ZNF536: variants seen among roughly 807,000 people sequenced by gnomAD.
The protein encoded by ZNF536 is zinc finger protein 536.
In ZNF536, 13 loss-of-function variants were observed where a neutral mutation model predicts 84.5. That is an observed-to-expected ratio of 0.15 (90% confidence interval 0.10 to 0.24). The LOEUF is 0.24. ZNF536 is among the 10% of genes least tolerant of loss of function. The probability of loss-of-function intolerance (pLI) is 1.00; values close to 1 mark genes in which losing one functional copy is unlikely to be tolerated. For synonymous variants in ZNF536, 811 were observed against 742.5 expected (o/e 1.09, Z -1.50); for missense variants, 1,536 against 1,747.5 (o/e 0.88, Z 2.16).
At chr19:30,514,702 C>G (rs2055562817) in intron 2 of ZNF536, among the ~76,000 whole-genome samples, 1 of 152,018 alleles carries the variant, frequency 6.6e-6, no homozygotes, top group East Asian at 1.9e-4. Flanking sequence ...GGCTGTGCTT[C>G]CATGCTGCAT....
intron 1 of ZNF536, among the ~76,000 whole-genome samples, chr19:30,628,596 GT>G (rs1173337153): frequency 6.6e-6 from 1 of 151,796 alleles, no homozygotes; most frequent in African/African-American, 2.4e-5. Flanking sequence ...GCCTGGCTAA[GT>G]TTTTGTATTT....
At chr19:30,684,901 G>A (rs1003535818) in intron 1 of ZNF536, among the ~76,000 whole-genome samples, 2 of 152,070 alleles carry the variant, frequency 1.3e-5, no homozygotes, top group Non-Finnish European at 2.9e-5. Flanking sequence ...TTTATGTCTG[G>A]GACACTCAAA....
intron 1 of ZNF536, among the ~76,000 whole-genome samples, chr19:30,393,217 C>G (rs1252948585): frequency 1.3e-5 from 2 of 151,968 alleles, no homozygotes; most frequent in African/African-American, 4.8e-5. Flanking sequence ...CAGTTTAATG[C>G]GGTAGGATGG....
At chr19:30,271,319 T>TTTTTTTAA (rs3085735) in intron 1 of ZNF536, among the ~76,000 whole-genome samples, 1 of 126,390 alleles carries the variant, frequency 7.9e-6, no homozygotes, top group Admixed American at 8.1e-5. Flanking sequence ...TTTTTTTTTT[T>TTTTTTTAA]GCTAAAGCAT....
chr19:30,305,882 G>A (rs1201696608), intron 2 of ZNF536, among the ~76,000 whole-genome samples: 4 of 152,200 alleles, frequency 2.6e-5, no homozygotes, highest in Admixed American at 6.5e-5. Context: ...GTCCTCCCTC[G>A]GTCCACCCGC....
chr19:30,664,481 C>T (rs1489049310), intron 1 of ZNF536, among the ~76,000 whole-genome samples: 2 of 152,102 alleles, frequency 1.3e-5, no homozygotes, highest in Non-Finnish European at 1.5e-5. Context: ...GAGCAACAGG[C>T]ACTGGTCAGA....
At chr19:30,232,153 TG>T (rs1450024676) in intron 1 of ZNF536, among the ~76,000 whole-genome samples, 1 of 151,994 alleles carries the variant, frequency 6.6e-6, no homozygotes, top group Non-Finnish European at 1.5e-5. Context: ...GGGGTGGGCG[TG>T]GGGGCCTCCC....
At chr19:30,519,705 T>C (rs1435520147) in intron 2 of ZNF536, among the ~76,000 whole-genome samples, 5 of 152,134 alleles carry the variant, frequency 3.3e-5, no homozygotes, top group Non-Finnish European at 7.4e-5. Context: ...ACTTCTTAGA[T>C]TGCATGATCA....
At chr19:30,284,770 C>A (rs917788781) in intron 2 of ZNF536, among the ~76,000 whole-genome samples, 1 of 152,234 alleles carries the variant, frequency 6.6e-6, no homozygotes, top group African/African-American at 2.4e-5. Context: ...GCCCAGCCCA[C>A]CTTCTCCTGA....
chr19:30,699,284 T>C (rs2051793706), intron 1 of ZNF536, among the ~76,000 whole-genome samples: 1 of 152,154 alleles, frequency 6.6e-6, no homozygotes, highest in Non-Finnish European at 1.5e-5. Context: ...GCTGACAGAA[T>C]AAGGAAATAT....
intron 2 of ZNF536, among the ~76,000 whole-genome samples, chr19:30,477,051 A>G (rs1227080548): frequency 6.6e-6 from 1 of 151,752 alleles, no homozygotes; most frequent in Non-Finnish European, 1.5e-5. Context: ...GGCCTCCCAA[A>G]CTACTGGGAT....
intron 1 of ZNF536, among the ~76,000 whole-genome samples, chr19:30,398,745 A>C (rs937112157): frequency 3.3e-5 from 5 of 152,074 alleles, no homozygotes; most frequent in African/African-American, 1.2e-4. Context: ...AGGACATGAA[A>C]TTATCCTTTT....
chr19:30,589,507 T>C (rs2047206655), intron 1 of ZNF536, among the ~76,000 whole-genome samples: 1 of 152,208 alleles, frequency 6.6e-6, no homozygotes. Flanking sequence ...TTGAAACCGA[T>C]TACCTCCTTC....
chr19:30,630,376 ATCC>A (rs2048844120), intron 1 of ZNF536, among the ~76,000 whole-genome samples: 1 of 151,028 alleles, frequency 6.6e-6, no homozygotes, highest in Non-Finnish European at 1.5e-5. Context: ...AAGCAACCCA[ATCC>A]TCATTCTCCA....
At chr19:30,249,780 CT>C (rs1186311325) in intron 1 of ZNF536, among the ~76,000 whole-genome samples, 1 of 152,166 alleles carries the variant, frequency 6.6e-6, no homozygotes, top group Non-Finnish European at 1.5e-5. Flanking sequence ...AAGCTATTGC[CT>C]TTTTGGGGAA....
chr19:30,493,202 C>G (rs16964244), intron 2 of ZNF536, among the ~76,000 whole-genome samples: 40,328 of 142,684 alleles, frequency 0.28, 5,787 homozygotes, highest in African/African-American at 0.38. Context: ...TCTTCTGTAA[C>G]TGTGCTAATG....
At chr19:30,432,314 G>T (rs895113735) in intron 1 of ZNF536, among the ~76,000 whole-genome samples, 2 of 152,098 alleles carry the variant, frequency 1.3e-5, no homozygotes, top group African/African-American at 4.8e-5. Context: ...AGGACCAGGG[G>T]GCTTGGAGGA....
At chr19:30,637,424 C>T (rs1224153010) in intron 1 of ZNF536, among the ~76,000 whole-genome samples, 1 of 152,200 alleles carries the variant, frequency 6.6e-6, no homozygotes, top group Non-Finnish European at 1.5e-5. Flanking sequence ...TAACATCACA[C>T]CCACCAACTC....
Position 30,433,095 on chromosome 19 carries a change from GT to G in ZNF536, c.-2-10465del. 1.3e-5 allele frequency among the ~76,000 whole-genome samples: 2 copies of G among 152,122 alleles called. 1 individual carries two copies. The highest frequency in any genetic ancestry group is 2.9e-5 in the Non-Finnish European group (2 of 68,036). On this transcript the variant is annotated intron_variant, in intron 1 of 4. Coordinates refer to ENST00000355537, the MANE Select transcript of ZNF536 (RefSeq NM_014717.3). ...CATGCCTCTGCCCTATCTCCTCTCTGTCCCCTGAGCATTACAAGCTCCATAT... is the reference window on the plus strand; with the variant it reads ...CATGCCTCTGCCCTATCTCCTCTCTGCCCCTGAGCATTACAAGCTCCATAT...
Sources: allele counts gnomAD v4.1 joint callset (sites outside exome capture counted in the v4.1 genomes callset), GRCh38; gene constraint gnomAD v4.1.1; transcripts MANE v1.5; gene names NCBI Gene and HGNC (gene_info 2026-07-23, HGNC 2026-07-21).